MIPOL1: variants seen among roughly 807,000 people sequenced by gnomAD.
MIPOL1 encodes mirror-image polydactyly 1.
In MIPOL1, 57 loss-of-function variants were observed where a neutral mutation model predicts 60.9. That is an observed-to-expected ratio of 0.94 (90% confidence interval 0.76 to 1.17). MIPOL1 has a LOEUF of 1.17. Ranked by LOEUF, MIPOL1 falls within the 50% of genes most tolerant of loss-of-function variation. The pLI is 0.00. For missense variants in MIPOL1, 551 were observed against 511.6 expected (o/e 1.08, Z -0.74); for synonymous variants, 179 against 168.8 (o/e 1.06, Z -0.47).
At chr14:37,500,905 A>G (rs1346867506) in intron 12 of MIPOL1, among the ~76,000 whole-genome samples, 1 of 152,190 alleles carries the variant, frequency 6.6e-6, no homozygotes, top group Admixed American at 6.5e-5. Flanking sequence ...GCATTCACAT[A>G]TCTAGTCACC....
At chr14:37,336,095 C>T (rs1228482686) in intron 9 of MIPOL1, among the ~76,000 whole-genome samples, 1 of 122,374 alleles carries the variant, frequency 8.2e-6, no homozygotes, top group Admixed American at 1.0e-4. Context: ...GGTAAGGGTC[C>T]AAATTCATGG....
At chr14:37,242,898 A>T (rs1367175085) in intron 1 of MIPOL1, among the ~76,000 whole-genome samples, 2 of 152,190 alleles carry the variant, frequency 1.3e-5, no homozygotes, top group East Asian at 3.8e-4. Flanking sequence ...TTAAGAGATG[A>T]CTTTTGAGCA....
At chr14:37,270,637 T>A in intron 6 of MIPOL1, 112 bp downstream of exon 6, 9 of 343,268 alleles carry the variant, frequency 2.6e-5, no homozygotes, top group Non-Finnish European at 4.4e-5. Context: ...GAGGGGAAGC[T>A]CTCCTTTTTT....
intron 1 of MIPOL1, among the ~76,000 whole-genome samples, chr14:37,228,541 G>C (rs1049630176): frequency 3.3e-5 from 5 of 152,002 alleles, no homozygotes; most frequent in Non-Finnish European, 7.4e-5. Flanking sequence ...AGGGTCTAGG[G>C]ATGATGGTAG....
In MIPOL1 at chr14:37,247,850, C is replaced by A. The variant is rs1330007098; in HGVS notation, c.-39C>A. On this transcript the variant is annotated 5_prime_UTR_variant, in exon 3 of 13. Transcript: ENST00000684589. ...TTAGCTGCAAATCTTGGAGCAAAAACCAGAGACATTGCCAGAGCAAACAAG... is the reference window on the plus strand; with the variant it reads ...TTAGCTGCAAATCTTGGAGCAAAAAACAGAGACATTGCCAGAGCAAACAAG... 1 of 1,610,412 alleles carries A rather than the reference C, an allele frequency of 6.2e-7. No homozygotes were observed. The highest frequency in any genetic ancestry group is 1.3e-5 in the African/African-American group (1 of 74,658).
At chr14:37,287,172 A>G (rs1162665020) in intron 7 of MIPOL1, among the ~76,000 whole-genome samples, 3 of 151,570 alleles carry the variant, frequency 2.0e-5, no homozygotes, top group Non-Finnish European at 4.4e-5. Flanking sequence ...TGTCATAAGG[A>G]GTAAATTACT....
At chr14:37,299,311 G>A (rs2086133111) in intron 7 of MIPOL1, among the ~76,000 whole-genome samples, 1 of 151,904 alleles carries the variant, frequency 6.6e-6, no homozygotes, top group African/African-American at 2.4e-5. Flanking sequence ...AGGGGGGCGG[G>A]ATAGCATTAG....
chr14:37,532,918 A>G (rs1360547375), intron 12 of MIPOL1, among the ~76,000 whole-genome samples: 1 of 152,088 alleles, frequency 6.6e-6, no homozygotes, highest in Non-Finnish European at 1.5e-5. Context: ...TTAATTCTTC[A>G]ATCTTTCTCT....
At position 37,551,163 on chromosome 14, in the gene MIPOL1, C is replaced by A. The variant is rs999526371; in HGVS notation, c.*4192C>A. 1 of 152,046 alleles carries A rather than the reference C, an allele frequency of 6.6e-6. No homozygotes were observed. Among genetic ancestry groups the A allele is most frequent in the Non-Finnish European group, 1.5e-5 (1 of 67,986 alleles). The allele number at this position is 152,046 out of a possible 1,614,324, so 9.4% of individuals were successfully genotyped here. A position where few individuals can be genotyped will look rare whatever the true frequency, so the allele number is the denominator to read the frequency against. On this transcript the variant is annotated 3_prime_UTR_variant, in exon 13 of 13. Transcript: ENST00000684589. Reference sequence around the variant, plus strand: ...TAGAAGCCACCAATTTCTGGACTATCTGATTATTAACAAAGATGTATTTTA... The same window carrying A: ...TAGAAGCCACCAATTTCTGGACTATATGATTATTAACAAAGATGTATTTTA...
intron 11 of MIPOL1, among the ~76,000 whole-genome samples, chr14:37,469,371 AACTC>A (rs1412231226): frequency 2.6e-5 from 4 of 152,190 alleles, no homozygotes; most frequent in East Asian, 1.9e-4. Context: ...ATCTGGTGAG[AACTC>A]ACTCACTATC....
At chr14:37,205,506 T>G (rs1202736865) in intron 1 of MIPOL1, among the ~76,000 whole-genome samples, 1 of 152,040 alleles carries the variant, frequency 6.6e-6, no homozygotes, top group East Asian at 1.9e-4. Flanking sequence ...CTAGGGTACA[T>G]GTACACAAAG....
intron 9 of MIPOL1, among the ~76,000 whole-genome samples, chr14:37,339,782 G>C (rs1187088451): frequency 6.6e-6 from 1 of 152,136 alleles, no homozygotes; most frequent in Admixed American, 6.6e-5. Context: ...TTCAAGAAGA[G>C]ATGAAATAAC....
In MIPOL1 at chr14:37,308,094, G is replaced by T; in HGVS notation, c.657+5G>T. On this transcript the variant is annotated splice_donor_5th_base_variant and intron_variant, in intron 8 of 12. Transcript: ENST00000684589. ...AACCCTGAAGAAAATGACATGGTAA[G>T]CCATTCTCTGAGGAGATTTCTTGAT... The T allele has an allele frequency of 6.2e-7, 1 of 1,609,314 alleles. No homozygotes were observed. The highest frequency in any genetic ancestry group is 8.5e-7 in the Non-Finnish European group (1 of 1,177,230).
At chr14:37,230,101 G>A (rs1015040849) in intron 1 of MIPOL1, among the ~76,000 whole-genome samples, 1 of 152,138 alleles carries the variant, frequency 6.6e-6, no homozygotes, top group African/African-American at 2.4e-5. Flanking sequence ...GTGAGATAAT[G>A]CATATGTTAA....
At chr14:37,495,287 C>T (rs1482813097) in intron 11 of MIPOL1, among the ~76,000 whole-genome samples, 4 of 112,656 alleles carry the variant, frequency 3.6e-5, no homozygotes, top group African/African-American at 1.3e-4. Context: ...CCCCTCCCCC[C>T]ACCCCACCAC....
intron 6 of MIPOL1, 61 bp downstream of exon 6, chr14:37,270,586 G>A: frequency 1.3e-6 from 1 of 741,526 alleles, no homozygotes; most frequent in South Asian, 2.9e-5. Context: ...ATTATATGAT[G>A]TATCTTGGTG....
intron 10 of MIPOL1, among the ~76,000 whole-genome samples, chr14:37,371,214 G>A (rs2092628969): frequency 6.6e-6 from 1 of 151,600 alleles, no homozygotes; most frequent in African/African-American, 2.4e-5. Context: ...CTGCCCTCTG[G>A]GTTCAAGTGA....
At chr14:37,386,019 T>A (rs2093057284) in intron 10 of MIPOL1, among the ~76,000 whole-genome samples, 1 of 152,056 alleles carries the variant, frequency 6.6e-6, no homozygotes, top group Non-Finnish European at 1.5e-5. Flanking sequence ...AATGTAATTT[T>A]CCCTTTAAGT....
intron 11 of MIPOL1, among the ~76,000 whole-genome samples, chr14:37,466,341 C>A (rs187471687): frequency 6.6e-6 from 1 of 152,212 alleles, no homozygotes; most frequent in African/African-American, 2.4e-5. Flanking sequence ...TGTTCTTTTT[C>A]TGAGGAAGAT....
Sources: gnomAD v4.1 joint callset for allele counts (sites outside exome capture counted in the v4.1 genomes callset) on GRCh38, gnomAD v4.1.1 for gene constraint, MANE v1.5 for transcripts, NCBI Gene and HGNC (gene_info 2026-07-23, HGNC 2026-07-21) for gene names.